The following RHCG variants were observed in gnomAD, a reference collection of about 807,000 sequenced individuals.
RHCG encodes the protein ammonium transporter Rh type C.
Under a neutral mutation model 55.3 loss-of-function variants are expected in RHCG, and 39 were observed. That is an observed-to-expected ratio of 0.70 (90% CI 0.55 to 0.92). RHCG has a LOEUF of 0.92. Among genes scored for constraint, RHCG ranks in the 40% least tolerant of loss-of-function variants. The pLI is 0.00. For missense variants in RHCG, 635 were observed against 627.9 expected (o/e 1.01, Z -0.12); for synonymous variants, 250 against 246.8 (o/e 1.01, Z -0.12).
intron 2 of RHCG, 200 bp downstream of exon 2, chr15:89,486,599 A>AGAGAGAGTGTGAGTGTGT: frequency 5.4e-4 from 144 of 264,444 alleles, no homozygotes; most frequent in Admixed American, 8.1e-4. Context: ...AGAGAGAGAG[A>AGAGAGAGTGTGAGTGTGT]GTGTGTGTGT....
intron 1 of RHCG, among the ~76,000 whole-genome samples, chr15:89,489,031 G>A (rs556478136): frequency 1.3e-5 from 2 of 152,300 alleles, no homozygotes; most frequent in South Asian, 2.1e-4. Context: ...ACATGTGTAT[G>A]TGTGCATGTG....
chr15:89,475,362 C>G (rs949982731), intron 9 of RHCG, among the ~76,000 whole-genome samples: 1 of 152,194 alleles, frequency 6.6e-6, no homozygotes, highest in Admixed American at 6.5e-5. Flanking sequence ...CCTGCCTCAA[C>G]CTCCTGAGTA....
chr15:89,474,728 TCCTGCCTG>T (rs1961100196), intron 9 of RHCG, among the ~76,000 whole-genome samples: 1 of 150,640 alleles, frequency 6.6e-6, no homozygotes, highest in African/African-American at 2.4e-5. Flanking sequence ...GTTCATTCCT[TCCTGCCTG>T]CCTTCCTTCC....
chr15:89,486,399 T>C, intron 2 of RHCG: 1 of 456,616 alleles, frequency 2.2e-6, no homozygotes, highest in Middle Eastern at 3.3e-4. Flanking sequence ...CTGGGCGATT[T>C]TGATGTGCCG....
At chr15:89,478,639 T>G (rs930624374) in intron 5 of RHCG, among the ~76,000 whole-genome samples, 1 of 152,142 alleles carries the variant, frequency 6.6e-6, no homozygotes, top group African/African-American at 2.4e-5. Context: ...TTCCTGCAGG[T>G]GGGTGTGGAT....
rs1046198904 is a variant in RHCG, at chr15:89,487,063, G to T, written c.185-78C>A. 11 of 1,343,296 alleles carry T rather than the reference G, an allele frequency of 8.2e-6. No individual in the cohort carries two copies. The Admixed American group carries it at 9.1e-5, about 11-fold the overall frequency. 83.2% of individuals were successfully genotyped at this position (1,343,296 alleles called of 1,614,324 possible). On this transcript the variant is annotated intron_variant, in intron 1 of 10. Transcript: ENST00000268122. ...GCCCTGGGTCTGGGCCAGGAAGGCC[G>T]GGGTAGCCCCTCAGTCTTCCCCGCC...
At chr15:89,486,494 G>A (rs1200350634) in intron 2 of RHCG, 1 of 483,060 alleles carries the variant, frequency 2.1e-6, no homozygotes, top group Admixed American at 2.3e-5. Context: ...ACCCTCCTAT[G>A]TATGACACTT....
intron 1 of RHCG, among the ~76,000 whole-genome samples, chr15:89,488,775 G>C (rs541955776): frequency 2.5e-4 from 15 of 60,334 alleles, no homozygotes; most frequent in Middle Eastern, 8.6e-3. Flanking sequence ...TGGGAGAATG[G>C]GGGGGGGGGA....
intron 1 of RHCG, among the ~76,000 whole-genome samples, chr15:89,493,532 C>T (rs560460436): frequency 2.9e-4 from 44 of 152,310 alleles, no homozygotes; most frequent in African/African-American, 9.6e-4. Flanking sequence ...TGAGTAGAAA[C>T]GAGGCCTGCA....
rs1026591246 is a variant in RHCG, at chr15:89,492,526, C to T, written c.184+3835G>A. On this transcript the variant is annotated intron_variant, in intron 1 of 10. Transcript: ENST00000268122. Reference sequence around the variant, plus strand: ...CTTCCACATCAACACTGCAAAATCTCCTGGGGAGATGGTCAGGGGGCAGCA... The same window carrying T: ...CTTCCACATCAACACTGCAAAATCTTCTGGGGAGATGGTCAGGGGGCAGCA... Among the ~76,000 whole-genome samples, 8 of 152,284 alleles carry T rather than the reference C, an allele frequency of 5.3e-5. 1 individual carries two copies. The highest frequency in any genetic ancestry group is 5.2e-4 in the Admixed American group (8 of 15,302).
chr15:89,473,855 G>A (rs542469278), intron 9 of RHCG, among the ~76,000 whole-genome samples: 70 of 152,294 alleles, frequency 4.6e-4, no homozygotes, highest in African/African-American at 1.6e-3. Context: ...TGAGAGGTGT[G>A]AACTTGGAAT....
At chr15:89,486,143 C>T (rs191045568) in intron 2 of RHCG, 2 of 409,336 alleles carry the variant, frequency 4.9e-6, no homozygotes, top group East Asian at 7.1e-5. Flanking sequence ...GTGCTCCACC[C>T]GTGGAAGCTG....
chr15:89,486,599 AGTGTGTGTGTGTGT>A (rs778060424), intron 2 of RHCG, 186 bp downstream of exon 2: 2 of 261,832 alleles, frequency 7.6e-6, no homozygotes, highest in Admixed American at 4.8e-5. Flanking sequence ...AGAGAGAGAG[AGTGTGTGTGTGTGT>A]GTGTGTGTGT....
intron 5 of RHCG, among the ~76,000 whole-genome samples, chr15:89,478,385 T>TG (rs1961197734): frequency 6.6e-6 from 1 of 152,346 alleles, no homozygotes; most frequent in Admixed American, 6.5e-5. Context: ...CACCAGCTGC[T>TG]GCTGTCTGAA....
chr15:89,486,700 C>A, intron 2 of RHCG, 99 bp downstream of exon 2: 1 of 1,318,548 alleles, frequency 7.6e-7, no homozygotes, highest in Non-Finnish European at 1.0e-6. Context: ...AGCCTCAAGC[C>A]CGGGTCCCGC....
chr15:89,483,703 T>C (rs16943215), intron 2 of RHCG, among the ~76,000 whole-genome samples: 3,064 of 152,094 alleles, frequency 0.02, 65 homozygotes, highest in African/African-American at 0.046. Context: ...CAGGGCCTTG[T>C]TATTGGGATC....
Position 89,496,391 on chromosome 15 carries a change from T to C in RHCG, c.154A>G (p.Met52Val), listed in dbSNP as rs942517798. 1.9e-6 allele frequency: 3 copies of C among 1,614,054 alleles called. No individual in the cohort carries two copies. Among genetic ancestry groups the C allele is most frequent in the African/African-American group, 1.3e-5 (1 of 75,060 alleles). The stretch of plus-strand genomic sequence containing the variant: ...TAGCGATAGTAGAATTCGTTCTCCA[T>C]GTCGCTCAAGTTCTTGTGCGTCCTC... The part of the protein sequence containing the change: ...SERTHKNLSD[M>V]ENEFYYRYPS... The change falls in exon 1 of 11, where the codon ATG becomes GTG. Residue 52 changes from methionine (M) to valine (V), a missense_variant. Met to Val is a conservative substitution (Grantham distance 21). Coordinates refer to ENST00000268122, the MANE Select transcript of RHCG (RefSeq NM_016321.3).
intron 2 of RHCG, among the ~76,000 whole-genome samples, chr15:89,485,016 G>C (rs1961334488): frequency 6.6e-6 from 1 of 152,096 alleles, no homozygotes; most frequent in Admixed American, 6.5e-5. Flanking sequence ...GTCAGGTCTG[G>C]GGACAATATG....
At chr15:89,495,177 C>T (rs1011707049) in intron 1 of RHCG, among the ~76,000 whole-genome samples, 1 of 152,202 alleles carries the variant, frequency 6.6e-6, no homozygotes, top group African/African-American at 2.4e-5. Context: ...CTATTAAATG[C>T]AGCCCATGAT....
Sources: allele counts gnomAD v4.1 joint callset (sites outside exome capture counted in the v4.1 genomes callset), GRCh38; gene constraint gnomAD v4.1.1; transcripts MANE v1.5; gene names NCBI Gene and HGNC (gene_info 2026-07-23, HGNC 2026-07-21).